CPEB3: variants seen among roughly 807,000 people sequenced by gnomAD.
CPEB3 encodes the protein cytoplasmic polyadenylation element-binding protein 3.
A neutral mutation model predicts 67.2 loss-of-function variants in CPEB3; 20 were observed. That is an observed-to-expected ratio of 0.30 (90% CI 0.21 to 0.43). CPEB3 has a LOEUF of 0.43. Among genes scored for constraint, CPEB3 ranks in the 20% least tolerant of loss-of-function variants. CPEB3 has a pLI of 1.00. For missense variants in CPEB3, 746 were observed against 968.6 expected, an observed-to-expected ratio of 0.77 and a Z score of 3.05; for synonymous variants, 376 against 393.1, an observed-to-expected ratio of 0.96 and a Z score of 0.51.
At chr10:92,096,807 G>A (rs922636289) in intron 7 of CPEB3, among the ~76,000 whole-genome samples, 25 of 152,270 alleles carry the variant, frequency 1.6e-4, no homozygotes, top group African/African-American at 4.6e-4. Context: ...GCTGGGCGTG[G>A]TGGCAGGCAC....
chr10:92,250,451 T>A (rs569524925), intron 1 of CPEB3, among the ~76,000 whole-genome samples: 6 of 152,232 alleles, frequency 3.9e-5, no homozygotes, highest in African/African-American at 1.4e-4. Context: ...TAAGGTCAAT[T>A]TTCTTGGAGG....
intron 4 of CPEB3, among the ~76,000 whole-genome samples, chr10:92,175,646 A>G (rs6583804): frequency 0.67 from 102,359 of 152,058 alleles, 36,264 homozygotes; most frequent in African/African-American, 0.9. Context: ...GACAGTGCAC[A>G]TTTGCATGTT....
In CPEB3 at chr10:92,254,987, C is replaced by T. The variant is rs144701946; in HGVS notation, c.-11-14626G>A. 1.8e-3 allele frequency among the ~76,000 whole-genome samples: 274 copies of T among 152,164 alleles called. 1 individual carries two copies. Among genetic ancestry groups the T allele is most frequent in the African/African-American group, 6.4e-3 (266 of 41,506 alleles). On this transcript the variant is annotated intron_variant, in intron 1 of 9. Transcript: ENST00000265997. ...CCTCGCAAAGTGTTGGGATTACAGG[C>T]ATGAGCTGCTGCACCCAGTTCTCTT...
At chr10:92,055,729 T>C (rs1163205923) in intron 9 of CPEB3, among the ~76,000 whole-genome samples, 1 of 123,424 alleles carries the variant, frequency 8.1e-6, no homozygotes, top group Non-Finnish European at 1.7e-5. Flanking sequence ...CCAATAGATA[T>C]GACTCTTAAT....
At chr10:92,073,105 G>A (rs1842812545) in intron 9 of CPEB3, among the ~76,000 whole-genome samples, 2 of 122,084 alleles carry the variant, frequency 1.6e-5, no homozygotes, top group Middle Eastern at 7.6e-3. Flanking sequence ...AGGTACAATC[G>A]TAGCTCACTG....
chr10:92,095,600 ATT>A (rs11404019), intron 7 of CPEB3, among the ~76,000 whole-genome samples: 75 of 123,098 alleles, frequency 6.1e-4, no homozygotes, highest in South Asian at 7.5e-4. Flanking sequence ...ATATATATAT[ATT>A]TTTTTTTTTT....
chr10:92,163,624 C>A (rs1847602830), intron 4 of CPEB3, among the ~76,000 whole-genome samples: 1 of 152,090 alleles, frequency 6.6e-6, no homozygotes, highest in Non-Finnish European at 1.5e-5. Context: ...CAAAATGTCC[C>A]CCTTTCCCTC....
intron 2 of CPEB3, among the ~76,000 whole-genome samples, chr10:92,225,176 T>C (rs936518511): frequency 6.6e-6 from 1 of 152,038 alleles, no homozygotes; most frequent in Non-Finnish European, 1.5e-5. Context: ...GGTTGCACAA[T>C]GTTGGCCAGG....
At chr10:92,130,041 C>T (rs548268927) in intron 6 of CPEB3, among the ~76,000 whole-genome samples, 1 of 151,890 alleles carries the variant, frequency 6.6e-6, no homozygotes, top group East Asian at 1.9e-4. Flanking sequence ...TGTCTCCAAA[C>T]AAACAAACAA....
At chr10:92,122,905 C>T (rs1192294099) in intron 6 of CPEB3, among the ~76,000 whole-genome samples, 5 of 152,182 alleles carry the variant, frequency 3.3e-5, no homozygotes, top group East Asian at 1.9e-4. Context: ...CCTAAGTGCA[C>T]GGATTCCTAA....
chr10:92,052,527 A>G (rs143686206), intron 9 of CPEB3, 88 bp from the exon 10 acceptor site: 139 of 1,111,726 alleles, frequency 1.3e-4, no homozygotes, highest in African/African-American at 1.0e-3. Flanking sequence ...TATAGCTTCA[A>G]CGTATGTCTC....
chr10:92,107,899 G>A (rs537663818), intron 7 of CPEB3, among the ~76,000 whole-genome samples: 1 of 152,236 alleles, frequency 6.6e-6, no homozygotes, highest in South Asian at 2.1e-4. Flanking sequence ...ATAAGAAGTA[G>A]TCACTGATGA....
chr10:92,067,432 G>A (rs1420077129), intron 9 of CPEB3, among the ~76,000 whole-genome samples: 8 of 151,912 alleles, frequency 5.3e-5, no homozygotes, highest in Admixed American at 4.6e-4. Flanking sequence ...CCTGGGAGGC[G>A]GAGGTTGCAG....
chr10:92,070,004 T>C (rs892534093), intron 9 of CPEB3, among the ~76,000 whole-genome samples: 1 of 152,000 alleles, frequency 6.6e-6, no homozygotes, highest in African/African-American at 2.4e-5. Flanking sequence ...TCTGTAGATA[T>C]AAAATACATG....
intron 4 of CPEB3, among the ~76,000 whole-genome samples, chr10:92,149,883 GT>G (rs1846878604): frequency 6.6e-6 from 1 of 152,184 alleles, no homozygotes; most frequent in African/African-American, 2.4e-5. Context: ...AATCACTGAT[GT>G]GAAGATTATT....
At chr10:92,150,118 G>A (rs942682711) in intron 4 of CPEB3, among the ~76,000 whole-genome samples, 4 of 152,216 alleles carry the variant, frequency 2.6e-5, no homozygotes, top group African/African-American at 9.7e-5. Flanking sequence ...AGAGCTTGTA[G>A]TATTTACCCA....
intron 3 of CPEB3, among the ~76,000 whole-genome samples, chr10:92,183,594 C>T (rs899760822): frequency 6.6e-5 from 10 of 152,130 alleles, no homozygotes; most frequent in Non-Finnish European, 1.2e-4. Flanking sequence ...CAGCTTTCAT[C>T]CTTTTCTGGG....
chr10:92,129,343 C>T (rs1353587060), intron 6 of CPEB3, among the ~76,000 whole-genome samples: 2 of 151,902 alleles, frequency 1.3e-5, no homozygotes, highest in African/African-American at 2.4e-5. Flanking sequence ...TGGGGCCTAT[C>T]GGAGGGTGGA....
chr10:92,145,052 G>A lies in CPEB3; in HGVS notation c.1256C>T (p.Ala419Val). 6.2e-7 allele frequency: 1 copy of A among 1,613,966 alleles called. No homozygotes were observed. The highest frequency in any genetic ancestry group is 8.5e-7 in the Non-Finnish European group (1 of 1,179,852). The change falls in exon 5 of 10, where the codon GCC becomes GTC. Residue 419 changes from alanine (A) to valine (V), a missense_variant. By Grantham distance (64) the Ala-to-Val change is moderately conservative (BLOSUM62 0). Around this residue, in one of 2 missense-constraint regions of CPEB3, gnomAD observed 643 missense variants for 717.5 expected, o/e 0.90. Coordinates refer to ENST00000265997, the MANE Select transcript of CPEB3 (RefSeq NM_014912.5). ...GGGAGAACTTAAGCCAGATGACAAG[G>A]CTTGATCACCATGGCTATCATCCAG... Reference protein sequence around the residue: ...AFLDDSHGDQALSSGLSSPTR... With the variant: ...AFLDDSHGDQVLSSGLSSPTR...
Sources: gnomAD v4.1 joint callset for allele counts (sites outside exome capture counted in the v4.1 genomes callset) on GRCh38, gnomAD v4.1.1 for gene constraint, gnomAD v4.1.1 regional missense constraint, MANE v1.5 for transcripts, NCBI Gene and HGNC (gene_info 2026-07-23, HGNC 2026-07-21) for gene names.